PTPRD: variants seen among roughly 807,000 people sequenced by gnomAD.
PTPRD encodes receptor-type tyrosine-protein phosphatase delta.
PTPRD carries 34 observed loss-of-function variants against 214.5 expected under a neutral mutation model. The observed-to-expected ratio is 0.16, with a 90% CI of 0.12 to 0.21. PTPRD has a LOEUF of 0.21. Among genes scored for constraint, PTPRD ranks in the 10% least tolerant of loss-of-function variants. The pLI, the probability that PTPRD is intolerant of heterozygous loss-of-function variation, is 1.00. For missense variants in PTPRD, 2,545 were observed against 2,398.7 expected, an observed-to-expected ratio of 1.06 and a Z score of -1.27; for synonymous variants, 1,128 against 845.7, an observed-to-expected ratio of 1.33 and a Z score of -5.79.
At chr9:9,874,657 TC>T (rs2066371836) in intron 5 of PTPRD, among the ~76,000 whole-genome samples, 1 of 152,236 alleles carries the variant, frequency 6.6e-6, no homozygotes, top group East Asian at 1.9e-4. Context: ...GTTTTTGCTT[TC>T]TATCAAGCAA....
intron 7 of PTPRD, among the ~76,000 whole-genome samples, chr9:9,589,804 C>G (rs548157703): frequency 6.6e-6 from 1 of 152,106 alleles, no homozygotes; most frequent in Non-Finnish European, 1.5e-5. Context: ...GTGGTAAACA[C>G]ACATAGTAGT....
intron 11 of PTPRD, among the ~76,000 whole-genome samples, chr9:8,807,880 A>G (rs1451612807): frequency 1.3e-5 from 2 of 152,184 alleles, no homozygotes; most frequent in Admixed American, 1.3e-4. Context: ...ATGGCGAGAC[A>G]AGGCAAAATG....
At chr9:9,360,106 T>C (rs549664700) in intron 9 of PTPRD, among the ~76,000 whole-genome samples, 2 of 151,246 alleles carry the variant, frequency 1.3e-5, no homozygotes, top group East Asian at 1.9e-4. Flanking sequence ...AATTTAATAT[T>C]TGTGGTAAGT....
rs529049880 is a variant in PTPRD at position 8,730,341 on chromosome 9, A to C, written c.64+3439T>G. On this transcript the variant is annotated intron_variant, in intron 12 of 45. Transcript: ENST00000381196. ...TAACAATAAGGAAGGAGAATGAAGA[A>C]GTATTCACAATCTGAAGTGGAAAAA... Among the ~76,000 whole-genome samples, 4 of 152,332 alleles carry C rather than the reference A, an allele frequency of 2.6e-5. No homozygotes were observed. In the South Asian group the frequency reaches 8.3e-4, roughly 32 times the overall value.
chr9:8,833,327 T>C (rs1354122925), intron 11 of PTPRD, among the ~76,000 whole-genome samples: 4 of 152,148 alleles, frequency 2.6e-5, no homozygotes, highest in Non-Finnish European at 5.9e-5. Context: ...TGAGCACAGC[T>C]ACTTTTGATA....
chr9:9,471,491 T>A (rs2094582836), intron 8 of PTPRD, among the ~76,000 whole-genome samples: 3 of 152,034 alleles, frequency 2.0e-5, no homozygotes, highest in Admixed American at 1.3e-4. Flanking sequence ...TCATTTCAAA[T>A]AAAAAAATGC....
chr9:9,720,565 G>C (rs941753978), intron 7 of PTPRD, among the ~76,000 whole-genome samples: 1 of 152,102 alleles, frequency 6.6e-6, no homozygotes, highest in Non-Finnish European at 1.5e-5. Context: ...GAAGTGATGG[G>C]AATAACCTGC....
intron 3 of PTPRD, among the ~76,000 whole-genome samples, chr9:10,339,015 C>T (rs1162152277): frequency 6.6e-6 from 1 of 151,528 alleles, no homozygotes; most frequent in African/African-American, 2.4e-5. Context: ...GTAAATTGTT[C>T]AGAGTTCAGC....
chr9:8,981,473 G>A (rs1366868945), intron 11 of PTPRD, among the ~76,000 whole-genome samples: 2 of 151,962 alleles, frequency 1.3e-5, no homozygotes, highest in African/African-American at 2.4e-5. Context: ...TGGAGCCACT[G>A]GATTTGGATT....
chr9:10,326,359 T>C (rs1364336379), intron 3 of PTPRD, among the ~76,000 whole-genome samples: 1 of 151,788 alleles, frequency 6.6e-6, no homozygotes, highest in South Asian at 2.1e-4. Flanking sequence ...ATTACTTTGA[T>C]ATTCTTTGTG....
intron 3 of PTPRD, among the ~76,000 whole-genome samples, chr9:10,337,404 C>T (rs570516104): frequency 6.6e-6 from 1 of 151,750 alleles, no homozygotes; most frequent in South Asian, 2.1e-4. Context: ...TTCAAAGAAT[C>T]ATATCTATCT....
chr9:8,846,183 A>T (rs2097691717), intron 11 of PTPRD, among the ~76,000 whole-genome samples: 1 of 152,182 alleles, frequency 6.6e-6, no homozygotes, highest in Non-Finnish European at 1.5e-5. Context: ...AATAATATAA[A>T]ATTAAAATTA....
chr9:9,248,620 G>A (rs535567558), intron 9 of PTPRD, among the ~76,000 whole-genome samples: 1 of 152,096 alleles, frequency 6.6e-6, no homozygotes, highest in East Asian at 1.9e-4. Flanking sequence ...GGTGTTCTGT[G>A]TTGAAAAGGA....
chr9:10,294,170 A>C (rs982235840), intron 3 of PTPRD, among the ~76,000 whole-genome samples: 5 of 151,960 alleles, frequency 3.3e-5, no homozygotes, highest in Non-Finnish European at 2.9e-5. Context: ...AACACTGCCC[A>C]AAAACCTTTT....
chr9:10,094,020 C>A (rs531987705), intron 3 of PTPRD, among the ~76,000 whole-genome samples: 143 of 151,324 alleles, frequency 9.4e-4, no homozygotes, highest in Non-Finnish European at 1.6e-3. Context: ...ATCATCTGTA[C>A]CCCAAAACCT....
At chr9:8,839,135 A>G (rs1414545877) in intron 11 of PTPRD, among the ~76,000 whole-genome samples, 1 of 152,124 alleles carries the variant, frequency 6.6e-6, no homozygotes, top group Non-Finnish European at 1.5e-5. Flanking sequence ...CAAAGGAAAT[A>G]TAGAGATTTA....
rs779244518 is a variant in PTPRD, at chr9:8,484,171, C to G, written c.3361G>C (p.Asp1121His). ...GGCAGTTGCACAGTAATCATGCCAT[C>G]CAAGTTGGTCTTCCCAATGAAGGCA... is the stretch of plus-strand genomic sequence containing the variant. Reference protein sequence around the residue: ...KPAFIGKTNLDGMITVQLPEV... With the variant: ...KPAFIGKTNLHGMITVQLPEV... Residue 1121 changes from aspartate (D) to histidine (H), a missense_variant, in exon 30 of 46, where the codon GAT becomes CAT. Transcript: ENST00000381196. The G allele has an allele frequency of 2.5e-6, 4 of 1,614,186 alleles. No homozygotes were observed. Among genetic ancestry groups the G allele is most frequent in the Non-Finnish European group, 3.4e-6 (4 of 1,180,026 alleles).
At chr9:8,521,993 A>G (rs2097901133) in intron 19 of PTPRD, among the ~76,000 whole-genome samples, 2 of 152,226 alleles carry the variant, frequency 1.3e-5, no homozygotes, top group Non-Finnish European at 2.9e-5. Flanking sequence ...CTTCCAGTTG[A>G]TGTGAATGTA....
At chr9:8,621,809 T>G (rs763881729) in intron 14 of PTPRD, among the ~76,000 whole-genome samples, 1 of 151,892 alleles carries the variant, frequency 6.6e-6, no homozygotes, top group Non-Finnish European at 1.5e-5. Context: ...GCATAAAAAT[T>G]TGAGTGTAAA....
Sources: allele counts gnomAD v4.1 joint callset (sites outside exome capture counted in the v4.1 genomes callset), GRCh38; gene constraint gnomAD v4.1.1; transcripts MANE v1.5; gene names NCBI Gene and HGNC (gene_info 2026-07-23, HGNC 2026-07-21).